DPP8: variants seen among roughly 807,000 people sequenced by gnomAD.
DPP8 encodes DPP VIII.
DPP8 carries 31 observed loss-of-function variants against 107.5 expected under a neutral mutation model. That is an observed-to-expected ratio of 0.29 (90% CI 0.22 to 0.39). The LOEUF (loss-of-function observed/expected upper bound fraction) is 0.39, where lower values mean the gene tolerates loss of function less well. DPP8 is among the 10% of genes least tolerant of loss of function. The pLI, the probability that DPP8 is intolerant of heterozygous loss-of-function variation, is 1.00. For synonymous variants in DPP8, 381 were observed against 356.6 expected, an observed-to-expected ratio of 1.07 and a Z score of -0.77; for missense variants, 842 against 1,076.1, an observed-to-expected ratio of 0.78 and a Z score of 3.04.
rs371884787 is a variant in DPP8 at position 65,507,374 on chromosome 15, AT to A, written c.260-20del. The A allele has an allele frequency of 2.7e-4, 390 of 1,471,174 alleles. 4 individuals are homozygous for A. In the African/African-American group the frequency reaches 4.3e-3, roughly 16 times the overall value. The allele number at this position is 1,471,174 out of a possible 1,614,324, so 91.1% of individuals were successfully genotyped here. A position where few individuals can be genotyped will look rare whatever the true frequency, so the allele number is the denominator to read the frequency against. ...GACATGGCTATAGGAGAAAGCAATC[AT>A]TTATTATTATTTTTTCGAATAGCAT... On this transcript the variant is annotated intron_variant, in intron 2 of 19. Transcript: ENST00000300141.
At chr15:65,484,909 C>T (rs2067257502) in intron 8 of DPP8, among the ~76,000 whole-genome samples, 190 bp downstream of exon 8, 1 of 151,890 alleles carries the variant, frequency 6.6e-6, no homozygotes, top group Non-Finnish European at 1.5e-5. Flanking sequence ...TATGCATATC[C>T]CCATATTCCC....
At chr15:65,455,973 T>C (rs1172967547) in intron 16 of DPP8, 1 of 880,580 alleles carries the variant, frequency 1.1e-6, no homozygotes, top group African/African-American at 1.7e-5. Flanking sequence ...TGCTAAATTC[T>C]ACCCAAGTGG....
chr15:65,448,865 A>AGTATACATATATAATATATAAAATATAC (rs2063706587), intron 19 of DPP8, among the ~76,000 whole-genome samples: 1 of 53,314 alleles, frequency 1.9e-5, no homozygotes, highest in African/African-American at 6.3e-5. Context: ...ATATATCTAA[A>AGTATACATATATAATATATAAAATATAC]ATATATATAT....
chr15:65,464,647 G>A (rs1056265362), intron 14 of DPP8, among the ~76,000 whole-genome samples: 2 of 152,042 alleles, frequency 1.3e-5, no homozygotes, highest in South Asian at 2.1e-4. Flanking sequence ...CTGTGACTGC[G>A]CCACTGCACT....
intron 14 of DPP8, among the ~76,000 whole-genome samples, chr15:65,464,535 T>G (rs1274850466): frequency 6.6e-6 from 1 of 151,588 alleles, no homozygotes; most frequent in Non-Finnish European, 1.5e-5. Flanking sequence ...ATACAAAAAT[T>G]ACCCAGGCAT....
At chr15:65,495,087 C>A (rs2068448044) in intron 5 of DPP8, among the ~76,000 whole-genome samples, 1 of 152,152 alleles carries the variant, frequency 6.6e-6, no homozygotes, top group Non-Finnish European at 1.5e-5. Flanking sequence ...CCCTTATCTG[C>A]CAATCTTTTG....
intron 6 of DPP8, among the ~76,000 whole-genome samples, chr15:65,489,847 A>G (rs972484192): frequency 1.4e-4 from 22 of 152,058 alleles, no homozygotes; most frequent in African/African-American, 4.8e-4. Context: ...CCTCCCGCGT[A>G]GCTGGGATTA....
chr15:65,508,741 A>G (rs2070384358), intron 2 of DPP8, among the ~76,000 whole-genome samples: 1 of 151,866 alleles, frequency 6.6e-6, no homozygotes, highest in South Asian at 2.1e-4. Flanking sequence ...AATCCCAGCT[A>G]CTCGGGAGGC....
At chr15:65,515,718 C>T (rs2071371769) in intron 1 of DPP8, 1 of 1,611,554 alleles carries the variant, frequency 6.2e-7, no homozygotes, top group Non-Finnish European at 8.5e-7. Flanking sequence ...TCAAGTGACT[C>T]GACTTCAAGC....
In DPP8 at chr15:65,467,219, T is replaced by C. The variant is rs147909400; in HGVS notation, c.1541A>G (p.Gln514Arg). 6 of 1,613,934 alleles carry C rather than the reference T, an allele frequency of 3.7e-6. No homozygotes were observed. In the African/African-American group the frequency reaches 5.3e-5, roughly 14 times the overall value. The change falls in exon 13 of 20, where the codon CAA becomes CGA. Residue 514 changes from glutamine (Q) to arginine (R), a missense_variant. Gln to Arg is a conservative substitution (Grantham distance 43). Coordinates refer to ENST00000300141, the MANE Select transcript of DPP8 (RefSeq NM_130434.5). ...EVLGRHGSNI[Q>R]VDEVRRLVYF... ...TACCAGCCTTCTGACTTCATCAACT[T>C]GGATCTGACAAGATAACAACAATAA...
intron 15 of DPP8, chr15:65,458,881 TAG>T (rs937057815): frequency 2.0e-5 from 3 of 152,024 alleles, no homozygotes; most frequent in African/African-American, 4.8e-5. Flanking sequence ...AGTCCTACAT[TAG>T]AGAGTCACTT....
intron 12 of DPP8, 25 bp from the exon 13 acceptor site, chr15:65,467,248 A>C (rs1186779819): frequency 6.2e-6 from 10 of 1,612,606 alleles, no homozygotes; most frequent in Non-Finnish European, 6.8e-6. Context: ...ACAATAACAA[A>C]ATCAGGGCTA....
At chr15:65,480,108 T>A in intron 10 of DPP8, 114 bp downstream of exon 10, 3 of 839,484 alleles carry the variant, frequency 3.6e-6, no homozygotes, top group Non-Finnish European at 3.6e-6. Flanking sequence ...ACTAAAGAAA[T>A]AACATGGTCC....
At chr15:65,466,998 T>C in intron 13 of DPP8, 73 bp downstream of exon 13, 1 of 1,557,084 alleles carries the variant, frequency 6.4e-7, no homozygotes, top group Non-Finnish European at 8.7e-7. Context: ...CAATTTCACA[T>C]CATTCAAAAG....
intron 3 of DPP8, among the ~76,000 whole-genome samples, chr15:65,503,334 G>C (rs1027941322): frequency 6.6e-6 from 1 of 152,138 alleles, no homozygotes; most frequent in African/African-American, 2.4e-5. Context: ...TCAAACTCCT[G>C]ATCTCAGGTG....
intron 8 of DPP8, 44 bp downstream of exon 8, chr15:65,485,055 T>C: frequency 6.9e-7 from 1 of 1,457,936 alleles, no homozygotes; most frequent in African/African-American, 1.4e-5. Context: ...GCTGAATAGA[T>C]TAGTCAAATG....
At chr15:65,475,574 T>C in intron 11 of DPP8, 1 of 1,221,412 alleles carries the variant, frequency 8.2e-7, no homozygotes, top group Admixed American at 1.7e-5. Flanking sequence ...AGGACTGGCT[T>C]GACTCCCTGG....
rs1462680023 is a variant in DPP8, at chr15:65,455,599, G to A, written c.2118+626C>T. The A allele has an allele frequency of 3.7e-6, 4 of 1,070,680 alleles. No homozygotes were observed. The African/African-American group carries it at 6.7e-5, about 18-fold the overall frequency. 66.3% of individuals were successfully genotyped at this position (1,070,680 alleles called of 1,614,324 possible). A position where few individuals can be genotyped will look rare whatever the true frequency, so the allele number is the denominator to read the frequency against. On this transcript the variant is annotated intron_variant, in intron 16 of 19. Transcript: ENST00000300141. ...TGTCTATATTACTAGGCCTGCCAGT[G>A]CACGCAATCTCACTTCACTGAGCCA...
At chr15:65,453,079 ATTG>A (rs1223918206) in intron 17 of DPP8, among the ~76,000 whole-genome samples, 2 of 152,188 alleles carry the variant, frequency 1.3e-5, no homozygotes, top group African/African-American at 2.4e-5. Context: ...ATTCTCAACA[ATTG>A]TTATCATCCT....
Sources: allele counts gnomAD v4.1 joint callset (sites outside exome capture counted in the v4.1 genomes callset), GRCh38; gene constraint gnomAD v4.1.1; transcripts MANE v1.5; gene names NCBI Gene and HGNC (gene_info 2026-07-23, HGNC 2026-07-21).